LRFN5: variants seen among roughly 807,000 people sequenced by gnomAD.
The protein encoded by LRFN5 is leucine rich repeat and fibronectin type III domain containing 5.
Under a neutral mutation model 45.6 loss-of-function variants are expected in LRFN5, and 24 were observed. The observed-to-expected ratio is 0.53, with a 90% CI of 0.38 to 0.74. LRFN5 has a LOEUF of 0.74. Among genes scored for constraint, LRFN5 ranks in the 30% least tolerant of loss-of-function variants. The pLI, the probability that LRFN5 is intolerant of heterozygous loss-of-function variation, is 0.00. For missense variants in LRFN5, 776 were observed against 861.5 expected, an observed-to-expected ratio of 0.90 and a Z score of 1.24; for synonymous variants, 340 against 313.8, an observed-to-expected ratio of 1.08 and a Z score of -0.88.
chr14:41,663,287 T>TG (rs1880740544), intron 1 of LRFN5, among the ~76,000 whole-genome samples: 1 of 152,098 alleles, frequency 6.6e-6, no homozygotes, highest in African/African-American at 2.4e-5. Context: ...TGTTTACACT[T>TG]CCTTGTCAGA....
At chr14:41,788,651 A>T (rs921919728) in intron 2 of LRFN5, among the ~76,000 whole-genome samples, 1 of 152,142 alleles carries the variant, frequency 6.6e-6, no homozygotes, top group African/African-American at 2.4e-5. Context: ...ATAGCACCAA[A>T]GGAATCTACA....
chr14:41,855,511 C>T (rs1296152481), intron 2 of LRFN5, among the ~76,000 whole-genome samples: 1 of 152,100 alleles, frequency 6.6e-6, no homozygotes, highest in Non-Finnish European at 1.5e-5. Context: ...CTGGAGGACA[C>T]TGCTGTTTTA....
intron 2 of LRFN5, among the ~76,000 whole-genome samples, chr14:41,845,018 G>T (rs963111908): frequency 6.6e-6 from 1 of 151,960 alleles, no homozygotes; most frequent in South Asian, 2.1e-4. Context: ...AAACATGATC[G>T]TATTTTAATA....
intron 2 of LRFN5, among the ~76,000 whole-genome samples, chr14:41,817,375 A>G (rs1434521340): frequency 6.6e-6 from 1 of 152,100 alleles, no homozygotes; most frequent in African/African-American, 2.4e-5. Context: ...TGCTAGGTAA[A>G]TAGAAATGCT....
At chr14:41,634,610 G>A (rs540948506) in intron 1 of LRFN5, among the ~76,000 whole-genome samples, 4 of 152,268 alleles carry the variant, frequency 2.6e-5, no homozygotes, top group African/African-American at 9.6e-5. Context: ...CTGAAAAGTT[G>A]AAGTATGAAA....
chr14:41,832,880 T>G (rs1243124008), intron 2 of LRFN5, among the ~76,000 whole-genome samples: 1 of 152,192 alleles, frequency 6.6e-6, no homozygotes, highest in Non-Finnish European at 1.5e-5. Context: ...ATTCTTTTCT[T>G]TTATGTAAGA....
At chr14:41,709,820 A>C (rs561417668) in intron 1 of LRFN5, among the ~76,000 whole-genome samples, 1 of 152,076 alleles carries the variant, frequency 6.6e-6, no homozygotes, top group Non-Finnish European at 1.5e-5. Flanking sequence ...TCTCAATTTT[A>C]CCTAAATAGA....
intron 1 of LRFN5, among the ~76,000 whole-genome samples, chr14:41,647,294 A>G (rs1879864368): frequency 6.6e-6 from 1 of 152,182 alleles, no homozygotes; most frequent in African/African-American, 2.4e-5. Flanking sequence ...GGCCCCATAT[A>G]ATGAAGACCC....
At chr14:41,823,428 T>TATCTAC (rs1209640944) in intron 2 of LRFN5, among the ~76,000 whole-genome samples, 1 of 151,394 alleles carries the variant, frequency 6.6e-6, no homozygotes, top group African/African-American at 2.4e-5. Flanking sequence ...GGCTTATCTA[T>TATCTAC]ATCTATATCT....
At chr14:41,689,505 A>G (rs2138701533) in intron 1 of LRFN5, among the ~76,000 whole-genome samples, 1 of 152,340 alleles carries the variant, frequency 6.6e-6, no homozygotes, top group African/African-American at 2.4e-5. Context: ...AGATGAAATA[A>G]ATAAATTCCT....
chr14:41,661,955 C>T (rs926641893), intron 1 of LRFN5, among the ~76,000 whole-genome samples: 2 of 152,036 alleles, frequency 1.3e-5, no homozygotes, highest in Non-Finnish European at 2.9e-5. Flanking sequence ...ATTATTTGTA[C>T]TACTTGTTTC....
intron 1 of LRFN5, among the ~76,000 whole-genome samples, chr14:41,716,679 A>C (rs569600472): frequency 1.0e-3 from 159 of 152,296 alleles, no homozygotes; most frequent in African/African-American, 3.2e-3. Context: ...AGTCTCTAGG[A>C]AGTGCGAAAC....
intron 2 of LRFN5, among the ~76,000 whole-genome samples, chr14:41,777,078 ATACTC>A (rs1340368507): frequency 6.6e-6 from 1 of 151,952 alleles, no homozygotes; most frequent in Non-Finnish European, 1.5e-5. Context: ...CACAAATACT[ATACTC>A]TAATGTAATT....
intron 1 of LRFN5, among the ~76,000 whole-genome samples, chr14:41,671,508 A>G (rs1034007507): frequency 6.6e-6 from 1 of 151,802 alleles, no homozygotes; most frequent in Non-Finnish European, 1.5e-5. Flanking sequence ...ACCTCTTTTC[A>G]AAGTGGTTAA....
intron 1 of LRFN5, among the ~76,000 whole-genome samples, chr14:41,654,852 A>G (rs1287922518): frequency 6.6e-6 from 1 of 152,078 alleles, no homozygotes; most frequent in Non-Finnish European, 1.5e-5. Flanking sequence ...ATTTTAGGTC[A>G]CAGAATTATT....
At position 41,653,855 on chromosome 14, in the gene LRFN5, C is replaced by G. The variant is rs114775114; in HGVS notation, c.-197+45293C>G. Among the ~76,000 whole-genome samples, 1,163 of 152,208 alleles carry G rather than the reference C, an allele frequency of 7.6e-3. 17 individuals are homozygous for G. Among genetic ancestry groups the G allele is most frequent in the African/African-American group, 0.027 (1,109 of 41,544 alleles). On this transcript the variant is annotated intron_variant, in intron 1 of 5. Coordinates refer to ENST00000298119, the MANE Select transcript of LRFN5 (RefSeq NM_152447.5). The stretch of plus-strand genomic sequence containing the variant: ...GAATTTGGGATTTGCTTTGAAGATA[C>G]AGCTGACAGGAGTAACAGGTTAATC...
In LRFN5 at chr14:41,718,353, T is replaced by G. The variant is rs181542138; in HGVS notation, c.-196-48501T>G. ...TCACCAGTACAAGTGATAACTGAGC[T>G]TATTGAAATTAGCCAACTATACCAT... On this transcript the variant is annotated intron_variant, in intron 1 of 5. Coordinates refer to ENST00000298119, the MANE Select transcript of LRFN5 (RefSeq NM_152447.5). Among the ~76,000 whole-genome samples the G allele has an allele frequency of 4.9e-3, 751 of 152,292 alleles. 2 individuals carry two copies. Among genetic ancestry groups the G allele is most frequent in the Non-Finnish European group, 8.9e-3 (608 of 68,014 alleles).
At chr14:41,631,864 G>C (rs920358266) in intron 1 of LRFN5, among the ~76,000 whole-genome samples, 2 of 152,180 alleles carry the variant, frequency 1.3e-5, no homozygotes, top group Non-Finnish European at 2.9e-5. Context: ...TCAGAGAGGA[G>C]TAAGTCCTGG....
intron 1 of LRFN5, among the ~76,000 whole-genome samples, chr14:41,648,573 CAT>C (rs1303144762): frequency 1.3e-5 from 2 of 152,026 alleles, no homozygotes; most frequent in Non-Finnish European, 2.9e-5. Context: ...AATTTTAAGA[CAT>C]GTATAAAAAC....
Sources: allele counts gnomAD v4.1 joint callset (sites outside exome capture counted in the v4.1 genomes callset), GRCh38; gene constraint gnomAD v4.1.1; transcripts MANE v1.5; gene names NCBI Gene and HGNC (gene_info 2026-07-23, HGNC 2026-07-21).